Variants in HHIP observed in about 807,000 individuals in gnomAD.
The protein encoded by HHIP is hedgehog interacting protein.
HHIP carries 12 observed loss-of-function variants against 74.0 expected under a neutral mutation model. The ratio of observed to expected loss-of-function variants is 0.16; its 90% CI spans 0.10 to 0.26. HHIP has a LOEUF of 0.26. Among genes scored for constraint, HHIP ranks in the 10% least tolerant of loss-of-function variants. The pLI is 1.00. For missense variants in HHIP, 788 were observed against 845.0 expected (o/e 0.93, Z 0.84); for synonymous variants, 309 against 311.6 (o/e 0.99, Z 0.09).
intron 4 of HHIP, among the ~76,000 whole-genome samples, chr4:144,688,841 G>A (rs1560707021): frequency 2.0e-5 from 3 of 152,150 alleles, no homozygotes; most frequent in Non-Finnish European, 2.9e-5. Context: ...TCTGGATGAA[G>A]GCCATAGACA....
chr4:144,722,607 C>T (rs928949578), intron 11 of HHIP, among the ~76,000 whole-genome samples: 3 of 152,088 alleles, frequency 2.0e-5, no homozygotes, highest in Non-Finnish European at 2.9e-5. Context: ...AATCCCAGCA[C>T]TTTGGGAGGC....
Position 144,742,474 on chromosome 4 carries a change from T to G in HHIP, c.*4517T>G, listed in dbSNP as rs1731282937. ...TAACAGCAGGGAAAGTTAGTAGCTA[T>G]TTCCTAGCCAAGGAACAACCTTCTC... On this transcript the variant is annotated 3_prime_UTR_variant, in exon 13 of 13. Coordinates refer to ENST00000296575, the MANE Select transcript of HHIP (RefSeq NM_022475.3). 6.6e-6 allele frequency: 1 copy of G among 152,124 alleles called. No homozygotes were observed. The highest frequency in any genetic ancestry group is 6.6e-5 in the Admixed American group (1 of 15,264). The allele number at this position is 152,124 out of a possible 1,614,324, so 9.4% of individuals were successfully genotyped here.
intron 2 of HHIP, chr4:144,655,086 A>G (rs1728524729): frequency 6.6e-6 from 1 of 152,174 alleles, no homozygotes; most frequent in African/African-American, 2.4e-5. Context: ...TTAAGAAAGC[A>G]CAGTCACTTT....
At chr4:144,691,952 T>C (rs1404258882) in intron 4 of HHIP, among the ~76,000 whole-genome samples, 2 of 152,120 alleles carry the variant, frequency 1.3e-5, no homozygotes, top group Non-Finnish European at 2.9e-5. Flanking sequence ...GGTAGAATCA[T>C]TGAATTATCA....
intron 7 of HHIP, 21 bp downstream of exon 7, chr4:144,708,332 T>C: frequency 1.2e-6 from 2 of 1,613,574 alleles, no homozygotes; most frequent in Non-Finnish European, 1.7e-6. Flanking sequence ...AAGTCTGTCT[T>C]CTCACTGGCT....
At chr4:144,705,638 A>C (rs965949947) in intron 4 of HHIP, among the ~76,000 whole-genome samples, 6 of 152,202 alleles carry the variant, frequency 3.9e-5, no homozygotes, top group African/African-American at 1.4e-4. Flanking sequence ...ACAAAGGCTA[A>C]GACCATATTG....
At chr4:144,734,528 T>C (rs1731051719) in intron 11 of HHIP, among the ~76,000 whole-genome samples, 2 of 152,086 alleles carry the variant, frequency 1.3e-5, no homozygotes. Flanking sequence ...ATGTTTAATG[T>C]GTTTAGTTGG....
intron 4 of HHIP, among the ~76,000 whole-genome samples, chr4:144,690,034 G>A (rs867283521): frequency 2.0e-5 from 3 of 151,996 alleles, no homozygotes; most frequent in South Asian, 2.1e-4. Flanking sequence ...TCTCAAACTC[G>A]TGACCTCACC....
At position 144,744,845 on chromosome 4, in the gene HHIP, G is replaced by A. The variant is rs1459374582; in HGVS notation, c.*6888G>A. 3 of 152,080 alleles carry A rather than the reference G, an allele frequency of 2.0e-5. No homozygotes were observed. The highest frequency in any genetic ancestry group is 1.9e-4 in the East Asian group (1 of 5,200). The allele number at this position is 152,080 out of a possible 1,614,324, so 9.4% of individuals were successfully genotyped here. On this transcript the variant is annotated 3_prime_UTR_variant, in exon 13 of 13. Transcript: ENST00000296575. ...GCAAAAGACAATAATCACATCCAAC[G>A]GCACCAGTTCAGCTCAACTTTAGAA...
At chr4:144,648,750 C>T (rs1200674856) in intron 1 of HHIP, 1 of 152,096 alleles carries the variant, frequency 6.6e-6, no homozygotes, top group Non-Finnish European at 1.5e-5. Flanking sequence ...TTGTTCTTGA[C>T]TAAATGGTGA....
intron 2 of HHIP, among the ~76,000 whole-genome samples, chr4:144,653,768 A>G (rs1048984064): frequency 6.6e-6 from 1 of 152,108 alleles, no homozygotes; most frequent in Non-Finnish European, 1.5e-5. Flanking sequence ...TGTATTTTTA[A>G]TATAGCTCTC....
In HHIP at chr4:144,708,338, T is replaced by C. The variant is rs376229489; in HGVS notation, c.1301+27T>C. 2.5e-6 allele frequency: 4 copies of C among 1,613,098 alleles called. 1 individual carries two copies. The highest frequency in any genetic ancestry group is 1.6e-4 in the Middle Eastern group (1 of 6,082). On this transcript the variant is annotated intron_variant, in intron 7 of 12. Coordinates refer to ENST00000296575, the MANE Select transcript of HHIP (RefSeq NM_022475.3). ...TGAGAACACAAGTCTGTCTTCTCAC[T>C]GGCTTTTAAGCCAGGCGGGGATCCG...
chr4:144,738,393 T>C lies in HHIP; in HGVS notation c.*436T>C, dbSNP rs200101921. 1.0e-6 allele frequency: 1 copy of C among 966,134 alleles called. No individual in the cohort carries two copies. Among genetic ancestry groups the C allele is most frequent in the Non-Finnish European group, 1.2e-6 (1 of 812,042 alleles). The allele number at this position is 966,134 out of a possible 1,614,324, so 59.8% of individuals were successfully genotyped here. ...CTAATTAAAAAAAAGGCAATATTTT[T>C]ATATTAAAGTACTATACTAGGAGAG... On this transcript the variant is annotated 3_prime_UTR_variant, in exon 13 of 13. Transcript: ENST00000296575.
Position 144,738,289 on chromosome 4 carries a change from T to A in HHIP, c.*332T>A. On this transcript the variant is annotated 3_prime_UTR_variant, in exon 13 of 13. Transcript: ENST00000296575. The stretch of plus-strand genomic sequence containing the variant: ...ATGTTACTAGAAGAGATTATTTGAC[T>A]TCCCAGGAATTTTCTGTCTGTAATC... 1.0e-6 allele frequency: 1 copy of A among 981,798 alleles called. No homozygotes were observed. The highest frequency in any genetic ancestry group is 4.7e-5 in the South Asian group (1 of 21,198). 60.8% of individuals were successfully genotyped at this position (981,798 alleles called of 1,614,324 possible).
In HHIP at chr4:144,742,986, TTA is replaced by T. The variant is rs1222533848; in HGVS notation, c.*5040_*5041del. 8.0e-3 allele frequency: 8 copies of T among 996 alleles called. No individual in the cohort carries two copies. Among genetic ancestry groups the T allele is most frequent in the South Asian group, 0.5 (1 of 2 alleles). 0.1% of individuals were successfully genotyped at this position (996 alleles called of 1,614,324 possible). On this transcript the variant is annotated 3_prime_UTR_variant, in exon 13 of 13. Coordinates refer to ENST00000296575, the MANE Select transcript of HHIP (RefSeq NM_022475.3). Reference sequence around the variant, plus strand: ...TAAGATATATGTATATATATATACATTATATATATATAATATATATATATTAT... The same window carrying T: ...TAAGATATATGTATATATATATACATTATATATATAATATATATATATTAT...
At chr4:144,728,469 G>A (rs141566866) in intron 11 of HHIP, among the ~76,000 whole-genome samples, 10 of 152,182 alleles carry the variant, frequency 6.6e-5, no homozygotes, top group African/African-American at 9.6e-5. Flanking sequence ...TTTTAGAAAT[G>A]TTTAGTACAA....
intron 1 of HHIP, among the ~76,000 whole-genome samples, chr4:144,651,930 T>C (rs555437424): frequency 6.6e-6 from 1 of 152,186 alleles, no homozygotes; most frequent in South Asian, 2.1e-4. Context: ...TTCATGCATA[T>C]AACATACCTG....
chr4:144,692,655 G>A (rs6812830), intron 4 of HHIP, among the ~76,000 whole-genome samples: 71,368 of 151,874 alleles, frequency 0.47, 17,902 homozygotes, highest in South Asian at 0.74. Context: ...GTTGAAATAC[G>A]TATTTATGTA....
At chr4:144,731,567 C>A (rs1040844483) in intron 11 of HHIP, among the ~76,000 whole-genome samples, 15 of 151,890 alleles carry the variant, frequency 9.9e-5, no homozygotes, top group Non-Finnish European at 1.8e-4. Context: ...TTACAGACAC[C>A]CAGGACGACA....
Sources: gnomAD v4.1 joint callset for allele counts (sites outside exome capture counted in the v4.1 genomes callset) on GRCh38, gnomAD v4.1.1 for gene constraint, MANE v1.5 for transcripts, NCBI Gene and HGNC (gene_info 2026-07-23, HGNC 2026-07-21) for gene names.